Variants in FNIP1 observed in about 807,000 individuals in gnomAD.
The protein encoded by FNIP1 is folliculin-interacting protein 1.
A neutral mutation model predicts 124.5 loss-of-function variants in FNIP1; 40 were observed. That is an observed-to-expected ratio of 0.32 (90% CI 0.25 to 0.42). The LOEUF (loss-of-function observed/expected upper bound fraction) is 0.42. FNIP1 is among the 10% of genes least tolerant of loss of function. The pLI is 1.00. For synonymous variants in FNIP1, 472 were observed against 470.6 expected (o/e 1.00, Z -0.04); for missense variants, 1,176 against 1,403.7 (o/e 0.84, Z 2.59).
Position 131,672,375 on chromosome 5 carries a change from T to C in FNIP1, c.2069A>G (p.Asp690Gly). The C allele has an allele frequency of 6.2e-7, 1 of 1,614,204 alleles. No individual in the cohort carries two copies. Reference sequence around the variant, plus strand: ...GCCTGACTCTGACAATGCACATTTGTCTACTGGAACAGATCCTGTGCAAAC... The same window carrying C: ...GCCTGACTCTGACAATGCACATTTGCCTACTGGAACAGATCCTGTGCAAAC... ...TVVCTGSVPV[D>G]KCALSESGLE... The change falls in exon 14 of 18, where the codon GAC (aspartate) becomes GGC (glycine). Residue 690 changes from aspartate to glycine, a missense_variant. Asp to Gly is a moderately conservative substitution (Grantham distance 94). Around this residue, in one of 2 missense-constraint regions of FNIP1, gnomAD observed 1,109 missense variants for 1,288.5 expected, o/e 0.86. Transcript: ENST00000510461.
At chr5:131,723,575 T>C (rs1307472109) in intron 3 of FNIP1, among the ~76,000 whole-genome samples, 1 of 152,152 alleles carries the variant, frequency 6.6e-6, no homozygotes, top group African/African-American at 2.4e-5. Flanking sequence ...AAGGATGCTA[T>C]TATCATTATT....
chr5:131,676,158 G>A (rs779883587), intron 13 of FNIP1, among the ~76,000 whole-genome samples: 2 of 151,958 alleles, frequency 1.3e-5, no homozygotes, highest in Non-Finnish European at 2.9e-5. Flanking sequence ...AGTAGCTGGC[G>A]CCCACCACCA....
chr5:131,780,854 T>C (rs1235526891), intron 1 of FNIP1, among the ~76,000 whole-genome samples: 3 of 152,178 alleles, frequency 2.0e-5, no homozygotes. Flanking sequence ...GGCCTCTAAG[T>C]GTTCCAGTGA....
In FNIP1 at chr5:131,709,041, A is replaced by C. The variant is rs182553830; in HGVS notation, c.778+160T>G. 3.2e-3 allele frequency among the ~76,000 whole-genome samples: 487 copies of C among 152,324 alleles called. 4 individuals carry two copies. The highest frequency in any genetic ancestry group is 5.2e-3 in the Non-Finnish European group (354 of 68,026). On this transcript the variant is annotated intron_variant, in intron 8 of 17. Transcript: ENST00000510461. ...CTTAGCACACTTAAAAGTAAACATG[A>C]AAAATATTAAATTTATAAGACTTTG...
chr5:131,735,512 A>G (rs1770264267), intron 2 of FNIP1, among the ~76,000 whole-genome samples: 1 of 148,426 alleles, frequency 6.7e-6, no homozygotes, highest in South Asian at 2.1e-4. Flanking sequence ...ATATGTATAT[A>G]TACGTATATA....
At chr5:131,792,223 C>T (rs1279455799) in intron 1 of FNIP1, among the ~76,000 whole-genome samples, 3 of 149,244 alleles carry the variant, frequency 2.0e-5, no homozygotes, top group Non-Finnish European at 3.0e-5. Flanking sequence ...TGCAATGGCG[C>T]GATCTCAGCT....
At chr5:131,686,422 G>A (rs1352949090) in intron 11 of FNIP1, among the ~76,000 whole-genome samples, 2 of 152,144 alleles carry the variant, frequency 1.3e-5, no homozygotes, top group African/African-American at 2.4e-5. Flanking sequence ...ATAACTCACT[G>A]CAACCTTGAC....
rs1766765894 is a variant in FNIP1, at chr5:131,643,136, G to A, written c.*1549C>T. The A allele has an allele frequency of 6.6e-6, 1 of 152,254 alleles. No homozygotes were observed. Among genetic ancestry groups the A allele is most frequent in the African/African-American group, 2.4e-5 (1 of 41,420 alleles). The allele number at this position is 152,254 out of a possible 1,614,324, so 9.4% of individuals were successfully genotyped here. ...CAGATTGCAGACACACCAATTTCAGGTTTACATTCCATTAAAACAACAATT... is the reference window on the plus strand; with the variant it reads ...CAGATTGCAGACACACCAATTTCAGATTTACATTCCATTAAAACAACAATT... On this transcript the variant is annotated 3_prime_UTR_variant, in exon 18 of 18. Transcript: ENST00000510461.
chr5:131,650,547 G>T (rs1169244336), intron 16 of FNIP1, among the ~76,000 whole-genome samples: 2 of 152,176 alleles, frequency 1.3e-5, no homozygotes, highest in Non-Finnish European at 1.5e-5. Context: ...TGTACGAGAA[G>T]ATCATGTCAT....
intron 2 of FNIP1, among the ~76,000 whole-genome samples, chr5:131,736,573 A>G (rs1580797635): frequency 6.6e-6 from 1 of 152,192 alleles, no homozygotes; most frequent in South Asian, 2.1e-4. Flanking sequence ...AGTGAGCATT[A>G]CCGCCTGCAC....
intron 11 of FNIP1, among the ~76,000 whole-genome samples, chr5:131,680,413 A>T (rs957573098): frequency 3.3e-5 from 5 of 152,248 alleles, no homozygotes; most frequent in Non-Finnish European, 7.3e-5. Flanking sequence ...ATTGCTAAGA[A>T]TTTTAAAATA....
Position 131,690,318 on chromosome 5 carries a change from T to C in FNIP1, c.1202+8599A>G, listed in dbSNP as rs559445886. On this transcript the variant is annotated intron_variant, in intron 11 of 17. Coordinates refer to ENST00000510461, the MANE Select transcript of FNIP1 (RefSeq NM_133372.3). ...AACACTAACCAAAAGAAAGCTGGAA[T>C]AACCGATAAGGTTAGGCTTTGTGTC... Among the ~76,000 whole-genome samples, 84 of 152,308 alleles carry C rather than the reference T, an allele frequency of 5.5e-4. 1 individual carries two copies. The highest frequency in any genetic ancestry group is 7.6e-4 in the Non-Finnish European group (52 of 68,014).
In FNIP1 at chr5:131,734,648, G is replaced by A. The variant is rs947231076; in HGVS notation, c.220-3610C>T. Among the ~76,000 whole-genome samples the A allele has an allele frequency of 3.0e-4, 46 of 152,240 alleles. No homozygotes were observed. In the Middle Eastern group the frequency reaches 0.01, roughly 34 times the overall value. On this transcript the variant is annotated intron_variant, in intron 2 of 17. Transcript: ENST00000510461. ...CAAACAACCCCATCAAAAAGTAGGCGAAGGATATGAACAGACACCTCTCAA... is the reference window on the plus strand; with the variant it reads ...CAAACAACCCCATCAAAAAGTAGGCAAAGGATATGAACAGACACCTCTCAA...
At chr5:131,751,996 T>C (rs1353053052) in intron 1 of FNIP1, among the ~76,000 whole-genome samples, 1 of 152,146 alleles carries the variant, frequency 6.6e-6, no homozygotes, top group Non-Finnish European at 1.5e-5. Context: ...GTGAAGTATA[T>C]CTCAGCAATA....
At chr5:131,699,038 T>C in intron 10 of FNIP1, 36 bp from the exon 11 acceptor site, 1 of 1,550,562 alleles carries the variant, frequency 6.4e-7, no homozygotes, top group East Asian at 2.3e-5. Context: ...AATTCTTATG[T>C]TAATCATGAG....
At chr5:131,768,916 T>C (rs1771534096) in intron 1 of FNIP1, among the ~76,000 whole-genome samples, 1 of 152,224 alleles carries the variant, frequency 6.6e-6, no homozygotes, top group Admixed American at 6.5e-5. Flanking sequence ...TTTAAGGTGT[T>C]CACAAAGCAT....
At chr5:131,698,287 G>T (rs1389929547) in intron 11 of FNIP1, among the ~76,000 whole-genome samples, 4 of 152,174 alleles carry the variant, frequency 2.6e-5, no homozygotes, top group Non-Finnish European at 5.9e-5. Context: ...GAAAGATTGA[G>T]AAAATGAAGT....
intron 5 of FNIP1, among the ~76,000 whole-genome samples, chr5:131,717,135 C>G (rs1043776295): frequency 5.9e-5 from 9 of 151,560 alleles, no homozygotes; most frequent in Non-Finnish European, 1.0e-4. Context: ...TATCCCTCCC[C>G]CCTCACCCCA....
At chr5:131,789,082 G>T (rs894066123) in intron 1 of FNIP1, among the ~76,000 whole-genome samples, 3 of 152,124 alleles carry the variant, frequency 2.0e-5, no homozygotes, top group African/African-American at 7.2e-5. Context: ...ATATTATTCA[G>T]CCATTAAAAA....
Sources: gnomAD v4.1 joint callset for allele counts (sites outside exome capture counted in the v4.1 genomes callset) on GRCh38, gnomAD v4.1.1 for gene constraint, gnomAD v4.1.1 regional missense constraint, MANE v1.5 for transcripts, NCBI Gene and HGNC (gene_info 2026-07-23, HGNC 2026-07-21) for gene names.